The following CYRIB variants were observed in gnomAD, a reference collection of about 807,000 sequenced individuals.
The protein encoded by CYRIB is CYFIP related Rac1 interactor B, also known as CYFIP-related Rac1 interactor B.
In CYRIB, 8 loss-of-function variants were observed where a neutral mutation model predicts 44.2. That is an observed-to-expected ratio of 0.18 (90% CI 0.11 to 0.33). The LOEUF is 0.33. CYRIB is among the 10% of genes least tolerant of loss of function. The pLI, the probability that CYRIB is intolerant of heterozygous loss-of-function variation, is 1.00. For synonymous variants in CYRIB, 131 were observed against 127.2 expected (o/e 1.03, Z -0.20); for missense variants, 185 against 382.8 (o/e 0.48, Z 4.31).
intron 1 of CYRIB, among the ~76,000 whole-genome samples, chr8:130,004,026 T>G (rs1424393262): frequency 6.6e-6 from 1 of 152,170 alleles, no homozygotes; most frequent in Admixed American, 6.5e-5. Flanking sequence ...ATTTATCTAT[T>G]TATTTATTTT....
At chr8:129,884,358 GGCTCACT>G (rs1318339807) in intron 2 of CYRIB, among the ~76,000 whole-genome samples, 1 of 151,966 alleles carries the variant, frequency 6.6e-6, no homozygotes, top group Non-Finnish European at 1.5e-5. Flanking sequence ...GTACAATCTC[GGCTCACT>G]GCAACCTTCG....
At chr8:129,901,461 C>G (rs948540373) in intron 2 of CYRIB, 1 of 152,216 alleles carries the variant, frequency 6.6e-6, no homozygotes, top group Non-Finnish European at 1.5e-5. Context: ...AATCCACCTG[C>G]CTTGGCCTCC....
At chr8:129,955,521 C>G (rs928947605) in intron 2 of CYRIB, among the ~76,000 whole-genome samples, 3 of 152,132 alleles carry the variant, frequency 2.0e-5, no homozygotes, top group African/African-American at 7.2e-5. Context: ...CGTCGGAAAT[C>G]TATAGAGATA....
At chr8:129,940,833 T>C (rs533847811), upstream of CYRIB, among the ~76,000 whole-genome samples, 3 of 152,284 alleles carry the variant, frequency 2.0e-5, no homozygotes, top group South Asian at 6.2e-4. Context: ...GTATGGACTT[T>C]TCCCCCCGGG....
At chr8:129,896,519 T>C (rs772367079) in intron 2 of CYRIB, among the ~76,000 whole-genome samples, 7 of 152,262 alleles carry the variant, frequency 4.6e-5, no homozygotes, top group Admixed American at 3.9e-4. Context: ...CATGTTCTTA[T>C]GCATTATCGC....
intron 3 of CYRIB, among the ~76,000 whole-genome samples, chr8:129,877,662 AG>A (rs1554727364): frequency 1.7e-5 from 1 of 59,886 alleles, no homozygotes; most frequent in Non-Finnish European, 4.2e-5. Context: ...AAAAAAAAAA[AG>A]GTGTGTGTGT....
chr8:129,896,353 A>G (rs1392591800), intron 2 of CYRIB, among the ~76,000 whole-genome samples: 3 of 152,344 alleles, frequency 2.0e-5, no homozygotes, highest in East Asian at 1.9e-4. Flanking sequence ...CTACGAAGGG[A>G]TAATTCAAAT....
At chr8:129,924,291 C>G (rs867729811) in intron 1 of CYRIB, among the ~76,000 whole-genome samples, 3 of 1,414 alleles carry the variant, frequency 2.1e-3, no homozygotes, top group Non-Finnish European at 4.5e-3. Context: ...AAAAAAAAAC[C>G]GGGGGGGGGG....
chr8:129,961,839 G>A (rs1008474621), intron 2 of CYRIB, among the ~76,000 whole-genome samples: 7 of 152,204 alleles, frequency 4.6e-5, no homozygotes, highest in African/African-American at 1.7e-4. Context: ...TTCTGAAACT[G>A]GCAGACCTAG....
intron 2 of CYRIB, among the ~76,000 whole-genome samples, chr8:129,955,714 T>C (rs1363246125): frequency 6.6e-6 from 1 of 152,212 alleles, no homozygotes; most frequent in Non-Finnish European, 1.5e-5. Flanking sequence ...TATTAATTTA[T>C]TAAATCTGAT....
chr8:129,874,905 G>C (rs1297879043), intron 3 of CYRIB, among the ~76,000 whole-genome samples: 1 of 152,130 alleles, frequency 6.6e-6, no homozygotes, highest in Non-Finnish European at 1.5e-5. Flanking sequence ...AACTATAGAG[G>C]AAATGCATGA....
At chr8:129,985,274 T>A (rs970804970) in intron 1 of CYRIB, among the ~76,000 whole-genome samples, 1 of 152,220 alleles carries the variant, frequency 6.6e-6, no homozygotes, top group Admixed American at 6.5e-5. Context: ...CCACAGCGGC[T>A]GGCAGCAAGT....
At chr8:130,000,335 A>G (rs1271860671) in intron 1 of CYRIB, among the ~76,000 whole-genome samples, 2 of 152,134 alleles carry the variant, frequency 1.3e-5, no homozygotes, top group Non-Finnish European at 2.9e-5. Flanking sequence ...GCATCTAATC[A>G]CAGAAATACT....
At chr8:129,861,151 A>G (rs1179446005) in intron 5 of CYRIB, among the ~76,000 whole-genome samples, 1 of 152,202 alleles carries the variant, frequency 6.6e-6, no homozygotes, top group Non-Finnish European at 1.5e-5. Flanking sequence ...AATCGTCCTA[A>G]TTTCTGACAC....
intron 1 of CYRIB, among the ~76,000 whole-genome samples, chr8:130,004,971 G>T (rs1311408247): frequency 6.6e-6 from 1 of 151,980 alleles, no homozygotes; most frequent in Non-Finnish European, 1.5e-5. Context: ...GCTTCACCAT[G>T]TTGGTCAGGC....
At chr8:129,854,201 A>G (rs1008428356) in intron 7 of CYRIB, 65 bp downstream of exon 9, 28 of 1,228,544 alleles carry the variant, frequency 2.3e-5, no homozygotes, top group Non-Finnish European at 3.3e-5. Flanking sequence ...AAACAAAATA[A>G]TAAAATGAAC....
chr8:129,928,331 A>T (rs2089256025), intron 1 of CYRIB, among the ~76,000 whole-genome samples: 1 of 151,858 alleles, frequency 6.6e-6, no homozygotes, highest in East Asian at 1.9e-4. Context: ...TAAGAAAAAA[A>T]AAAAAAAAAC....
At chr8:129,913,173 G>T (rs933693339) in intron 1 of CYRIB, among the ~76,000 whole-genome samples, 2 of 151,782 alleles carry the variant, frequency 1.3e-5, no homozygotes, top group Non-Finnish European at 2.9e-5. Flanking sequence ...GGGTTTCACC[G>T]TGTTAGCCAG....
intron 1 of CYRIB, among the ~76,000 whole-genome samples, chr8:129,915,723 G>A (rs2080409121): frequency 6.6e-6 from 1 of 152,120 alleles, no homozygotes; most frequent in Non-Finnish European, 1.5e-5. Context: ...ATCTGCATCT[G>A]CCAAAAATGT....
Sources: allele counts gnomAD v4.1 joint callset (sites outside exome capture counted in the v4.1 genomes callset), GRCh38; gene constraint gnomAD v4.1.1; transcripts MANE v1.5; gene names NCBI Gene and HGNC (gene_info 2026-07-23, HGNC 2026-07-21).